Variants in CSMD1 observed in about 807,000 individuals in gnomAD.
CSMD1 encodes the protein CUB and Sushi multiple domains 1, also known as CUB and sushi domain-containing protein 1.
Under a neutral mutation model 417.5 loss-of-function variants are expected in CSMD1, and 213 were observed. The observed-to-expected ratio is 0.51, with a 90% CI of 0.46 to 0.57. CSMD1 has a LOEUF of 0.57. CSMD1 is among the 20% of genes least tolerant of loss of function. The pLI, the probability that CSMD1 is intolerant of heterozygous loss-of-function variation, is 0.00. For missense variants in CSMD1, 6,923 were observed against 4,529.7 expected (o/e 1.53, Z -15.17); for synonymous variants, 2,862 against 1,736.8 (o/e 1.65, Z -16.11).
At chr8:4,229,961 C>A (rs566923612) in intron 3 of CSMD1, among the ~76,000 whole-genome samples, 1 of 152,172 alleles carries the variant, frequency 6.6e-6, no homozygotes, top group South Asian at 2.1e-4. Flanking sequence ...GAGACTTTTA[C>A]GTCCTAAAGC....
At position 2,998,112 on chromosome 8, in the gene CSMD1, A is replaced by C; in HGVS notation, c.8276T>G (p.Val2759Gly). Residue 2759 changes from valine (V) to glycine (G), a missense_variant, in exon 54 of 70, where the codon GTC (valine) becomes GGC (glycine). Transcript: ENST00000635120. ...GCCCGTGTTGCAGGTGAAATTCACG[A>C]CATCATTCAGGTTGAACTCACTGCC... ...TNGSEFNLND[V>G]VNFTCNTGYL... 1 of 1,614,036 alleles carries C rather than the reference A, an allele frequency of 6.2e-7. No homozygotes were observed. The highest frequency in any genetic ancestry group is 8.5e-7 in the Non-Finnish European group (1 of 1,179,888).
chr8:4,801,315 G>C (rs1798269668), intron 1 of CSMD1, among the ~76,000 whole-genome samples: 1 of 152,088 alleles, frequency 6.6e-6, no homozygotes, highest in Non-Finnish European at 1.5e-5. Flanking sequence ...GACAAGGAGG[G>C]TGGAAGTGGA....
intron 5 of CSMD1, among the ~76,000 whole-genome samples, chr8:3,906,704 G>A (rs1290082797): frequency 6.6e-6 from 1 of 151,322 alleles, no homozygotes; most frequent in African/African-American, 2.4e-5. Flanking sequence ...AAAAAAATGT[G>A]AATTCATTCA....
chr8:4,904,533 G>A (rs1181383457), intron 1 of CSMD1, among the ~76,000 whole-genome samples: 1 of 152,024 alleles, frequency 6.6e-6, no homozygotes, highest in Non-Finnish European at 1.5e-5. Flanking sequence ...GTCCTACACT[G>A]CCCTCTCTGT....
chr8:3,049,282 C>T (rs1213401952), intron 50 of CSMD1, among the ~76,000 whole-genome samples: 1 of 151,030 alleles, frequency 6.6e-6, no homozygotes, highest in Non-Finnish European at 1.5e-5. Flanking sequence ...ACCTTGCACA[C>T]AGATGTTTAT....
intron 3 of CSMD1, among the ~76,000 whole-genome samples, chr8:4,401,128 TTC>T (rs1401899553): frequency 3.3e-5 from 5 of 152,158 alleles, no homozygotes; most frequent in African/African-American, 1.2e-4. Flanking sequence ...CACATAAAGC[TTC>T]TGTTTGAAGC....
intron 5 of CSMD1, among the ~76,000 whole-genome samples, chr8:3,981,507 A>T (rs1359983636): frequency 1.2e-5 from 1 of 86,560 alleles, no homozygotes; most frequent in Non-Finnish European, 2.5e-5. Context: ...AAGTAAAAAA[A>T]AAAAAAAAAA....
chr8:2,992,796 T>C (rs146427549), intron 54 of CSMD1, among the ~76,000 whole-genome samples: 1 of 151,950 alleles, frequency 6.6e-6, no homozygotes, highest in Non-Finnish European at 1.5e-5. Context: ...AGGCTGGAAG[T>C]GCCGTGTCTT....
chr8:4,103,865 T>A lies in CSMD1; in HGVS notation c.416-71766A>T, dbSNP rs532509434. On this transcript the variant is annotated intron_variant, in intron 3 of 69. Coordinates refer to ENST00000635120, the MANE Select transcript of CSMD1 (RefSeq NM_033225.6). ...ACTCCCTGGCAGCATTGTCTGGTGC[T>A]ATATCTCTTGCAGTTAATATTTGTT... Among the ~76,000 whole-genome samples, 57 of 152,324 alleles carry A rather than the reference T, an allele frequency of 3.7e-4. 1 individual carries two copies. In the South Asian group the frequency reaches 0.012, roughly 32 times the overall value.
chr8:4,173,718 T>A (rs1290480231), intron 3 of CSMD1, among the ~76,000 whole-genome samples: 2 of 152,096 alleles, frequency 1.3e-5, no homozygotes, highest in African/African-American at 4.8e-5. Flanking sequence ...CAGCAATCAA[T>A]GAGAAAATTT....
Position 3,091,538 on chromosome 8 carries a change from T to C in CSMD1, c.7263A>G (p.Lys2421=), listed in dbSNP as rs1007687569. The C allele has an allele frequency of 6.2e-7, 1 of 1,606,404 alleles. No individual in the cohort carries two copies. ...TACCTGCATAGCGAATCTTGAATCC[T>C]TTCTTACTGGTGGCATGGTCAGTGG... ...RWSTDHATSK[K]GFKIRYAAPY... Residue 2421 remains lysine, a synonymous_variant, in exon 48 of 70, where the codon AAA becomes AAG. Transcript: ENST00000635120.
At position 3,959,846 on chromosome 8, in the gene CSMD1, A is replaced by G. The variant is rs1585036491; in HGVS notation, c.818+38057T>C. Among the ~76,000 whole-genome samples the G allele has an allele frequency of 2.0e-5, 3 of 152,270 alleles. No homozygotes were observed. In the South Asian group the frequency reaches 6.2e-4, roughly 32 times the overall value. On this transcript the variant is annotated intron_variant, in intron 5 of 69. Coordinates refer to ENST00000635120, the MANE Select transcript of CSMD1 (RefSeq NM_033225.6). ...TATACACCAAGTGATGTAGAGAAAA[A>G]CTTTCTATATTGTGAGGTATATAAC...
chr8:4,587,445 ATGTACATATATATGTATATG>A (rs1563312271), intron 2 of CSMD1, among the ~76,000 whole-genome samples: 1 of 151,772 alleles, frequency 6.6e-6, no homozygotes, highest in Non-Finnish European at 1.5e-5. Context: ...ATATATGTAT[ATGTACATATATATGTATATG>A]TAGATACATA....
At chr8:4,967,253 G>A (rs889907497) in intron 1 of CSMD1, among the ~76,000 whole-genome samples, 4 of 152,130 alleles carry the variant, frequency 2.6e-5, no homozygotes, top group Non-Finnish European at 5.9e-5. Context: ...TAATACTTAG[G>A]TTGAGTTTTT....
Position 3,411,964 on chromosome 8 carries a change from A to ATG in CSMD1, c.1562-2361_1562-2360dup, listed in dbSNP as rs1812789097. Among the ~76,000 whole-genome samples, 2 of 29,936 alleles carry ATG rather than the reference A, an allele frequency of 6.7e-5. 1 individual carries two copies. The highest frequency in any genetic ancestry group is 1.6e-3 in the East Asian group (2 of 1,278). The allele number at this position is 29,936 out of a possible 152,430, so 19.6% of individuals were successfully genotyped here. A position where few individuals can be genotyped will look rare whatever the true frequency, so the allele number is the denominator to read the frequency against. On this transcript the variant is annotated intron_variant, in intron 12 of 69. Coordinates refer to ENST00000635120, the MANE Select transcript of CSMD1 (RefSeq NM_033225.6). ...TATGCACGTATATATACACGTATATATGCACGTATATATACACGTATATAT... is the reference window on the plus strand; with the variant it reads ...TATGCACGTATATATACACGTATATATGTGCACGTATATATACACGTATATAT...
rs1585605910 is a variant in CSMD1 at position 3,190,195 on chromosome 8, G to A, written c.5195-80C>T. On this transcript the variant is annotated intron_variant, in intron 33 of 69. Transcript: ENST00000635120. ...GTTGCGTGGAACGTGGGTTTAAGAT[G>A]GGACCAAGGAGAGCTGATGCAGACA... The A allele has an allele frequency of 3.7e-6, 4 of 1,094,034 alleles. No homozygotes were observed. The South Asian group carries it at 4.3e-5, about 12-fold the overall frequency. 67.8% of individuals were successfully genotyped at this position (1,094,034 alleles called of 1,614,324 possible). A position where few individuals can be genotyped will look rare whatever the true frequency, so the allele number is the denominator to read the frequency against.
At chr8:4,145,980 G>C (rs572873000) in intron 3 of CSMD1, among the ~76,000 whole-genome samples, 1 of 150,686 alleles carries the variant, frequency 6.6e-6, no homozygotes, top group South Asian at 2.1e-4. Flanking sequence ...TTGTAGACAG[G>C]GTGCAAATTT....
intron 10 of CSMD1, among the ~76,000 whole-genome samples, chr8:3,556,945 C>G (rs539455473): frequency 2.0e-5 from 3 of 152,110 alleles, no homozygotes; most frequent in Admixed American, 6.5e-5. Context: ...CACATAAAGC[C>G]TCACTTAGAG....
intron 41 of CSMD1, chr8:3,128,103 C>T (rs1817605178): frequency 6.6e-6 from 1 of 151,948 alleles, no homozygotes; most frequent in Admixed American, 6.6e-5. Context: ...ATCAATAAGC[C>T]CAAGGCAATA....
Sources: allele counts gnomAD v4.1 joint callset (sites outside exome capture counted in the v4.1 genomes callset), GRCh38; gene constraint gnomAD v4.1.1; transcripts MANE v1.5; gene names NCBI Gene and HGNC (gene_info 2026-07-23, HGNC 2026-07-21).